Variants in TCN1 observed in about 807,000 individuals in gnomAD.
TCN1 encodes transcobalamin 1, also known as transcobalamin-1.
A neutral mutation model predicts 46.3 loss-of-function variants in TCN1; 47 were observed. The ratio of observed to expected loss-of-function variants is 1.01; its 90% CI spans 0.80 to 1.29. TCN1 has a LOEUF of 1.29. Ranked by LOEUF, TCN1 falls within the 50% of genes most tolerant of loss-of-function variation. The probability of loss-of-function intolerance (pLI) is 0.00; values close to 1 mark genes in which losing one functional copy is unlikely to be tolerated. For synonymous variants in TCN1, 183 were observed against 192.5 expected, an observed-to-expected ratio of 0.95 and a Z score of 0.41; for missense variants, 532 against 511.0, an observed-to-expected ratio of 1.04 and a Z score of -0.40.
At chr11:59,856,587 G>A (rs1852944658) in intron 5 of TCN1, among the ~76,000 whole-genome samples, 1 of 152,098 alleles carries the variant, frequency 6.6e-6, no homozygotes, top group African/African-American at 2.4e-5. Flanking sequence ...ATGAACAAAG[G>A]TGTTAGGTAG....
chr11:59,861,749 T>G (rs889637402), intron 3 of TCN1, 67 bp from the exon 4 acceptor site: 14 of 1,535,158 alleles, frequency 9.1e-6, no homozygotes, highest in Admixed American at 3.4e-5. Flanking sequence ...TTTCCATCTA[T>G]TCCTACTTAC....
intron 4 of TCN1, among the ~76,000 whole-genome samples, chr11:59,859,497 T>G (rs1852994863): frequency 6.6e-6 from 1 of 152,244 alleles, no homozygotes; most frequent in Non-Finnish European, 1.5e-5. Flanking sequence ...TCAGTTGCCA[T>G]GTACTCCATA....
chr11:59,855,903 A>G lies in TCN1; in HGVS notation c.903T>C (p.Asp301=), dbSNP rs960277667. 6.2e-7 allele frequency: 1 copy of G among 1,613,732 alleles called. No homozygotes were observed. Among genetic ancestry groups the G allele is most frequent in the Non-Finnish European group, 8.5e-7 (1 of 1,179,800 alleles). The part of the protein sequence containing the change: ...LPALMGKTFL[D]INKDSSCVSA... ...AGACGCAAGAAGAGTCTTTGTTAAT[A>G]TCCAAGAAGGTCTTTCCCATCAGGG... The change falls in exon 6 of 9, where the codon GAT becomes GAC. Residue 301 remains aspartate (D), a synonymous_variant. Coordinates refer to ENST00000257264, the MANE Select transcript of TCN1 (RefSeq NM_001062.4).
chr11:59,863,830 T>G (rs1290094891), intron 2 of TCN1, 77 bp downstream of exon 2: 11 of 1,553,490 alleles, frequency 7.1e-6, no homozygotes, highest in Non-Finnish European at 9.7e-6. Context: ...GGATGCATAA[T>G]TTTTTAGGAT....
Position 59,866,486 on chromosome 11 carries a change from C to T in TCN1, c.-16G>A, listed in dbSNP as rs1361560585. On this transcript the variant is annotated 5_prime_UTR_variant, in exon 1 of 9. Transcript: ENST00000257264. ...ACTGTCTCATCTCTCCAACAGTGTA[C>T]CAGAATGTTGATGAATTGGCTGGCT... The T allele has an allele frequency of 2.5e-6, 4 of 1,610,712 alleles. No individual in the cohort carries two copies. Among genetic ancestry groups the T allele is most frequent in the Non-Finnish European group, 3.4e-6 (4 of 1,177,012 alleles).
chr11:59,854,346 C>T (rs929510647), intron 7 of TCN1, among the ~76,000 whole-genome samples: 5 of 148,116 alleles, frequency 3.4e-5, no homozygotes, highest in Non-Finnish European at 7.4e-5. Context: ...AGTTAAGAAC[C>T]ACTGTTCTAG....
In TCN1 at chr11:59,866,440, C is replaced by G. The variant is rs773799015; in HGVS notation, c.31G>C (p.Gly11Arg). The change falls in exon 1 of 9, where the codon GGG (glycine) becomes CGG (arginine). Residue 11 changes from glycine (G) to arginine (R), a missense_variant. Transcript: ENST00000257264. Reference protein sequence around the residue: MRQSHQLPLVGLLLFSFIPSQ... With the variant: MRQSHQLPLVRLLLFSFIPSQ... ...GGAATAAAAGAAAACAGTAAGAGCC[C>G]CACTAGGGGCAGCTGGTGTGACTGT... The G allele has an allele frequency of 1.2e-6, 2 of 1,613,512 alleles. No homozygotes were observed. Among genetic ancestry groups the G allele is most frequent in the Non-Finnish European group, 1.7e-6 (2 of 1,179,530 alleles).
intron 1 of TCN1, among the ~76,000 whole-genome samples, chr11:59,865,049 C>A (rs986609197): frequency 6.6e-6 from 1 of 152,106 alleles, no homozygotes; most frequent in Non-Finnish European, 1.5e-5. Flanking sequence ...AAGAAACCAC[C>A]GAATAAACTG....
chr11:59,863,994 C>G lies in TCN1; in HGVS notation c.172G>C (p.Val58Leu), dbSNP rs1853045231. The change falls in exon 2 of 9, where the codon GTG becomes CTG. Residue 58 changes from valine (V) to leucine (L), a missense_variant. Transcript: ENST00000257264. Reference sequence around the variant, plus strand: ...ATTCCAACAAGTTTGAGGGACAACACAACATTGACAGCGCTGGTTCCCCTG... The same window carrying G: ...ATTCCAACAAGTTTGAGGGACAACAGAACATTGACAGCGCTGGTTCCCCTG... ...YNRGTSAVNV[V>L]LSLKLVGIQI... 6.2e-7 allele frequency: 1 copy of G among 1,608,080 alleles called. No individual in the cohort carries two copies. The highest frequency in any genetic ancestry group is 8.5e-7 in the Non-Finnish European group (1 of 1,179,742).
chr11:59,857,773 C>T (rs538204410), intron 5 of TCN1, among the ~76,000 whole-genome samples: 9 of 152,042 alleles, frequency 5.9e-5, no homozygotes, highest in Non-Finnish European at 1.0e-4. Flanking sequence ...AGCATATGCA[C>T]GACAGTGTAG....
In TCN1 at chr11:59,866,152, G is replaced by C. The variant is rs149827382; in HGVS notation, c.79+240C>G. Among the ~76,000 whole-genome samples the C allele has an allele frequency of 2.4e-3, 362 of 152,188 alleles. 3 individuals are homozygous for C. Among genetic ancestry groups the C allele is most frequent in the African/African-American group, 7.7e-3 (319 of 41,524 alleles). ...TTGGTAGGGATGCTGTGCTAGAGAG[G>C]ATCTGAGCATAGAAAGAGCAGTTAG... On this transcript the variant is annotated intron_variant, in intron 1 of 8. Coordinates refer to ENST00000257264, the MANE Select transcript of TCN1 (RefSeq NM_001062.4).
chr11:59,862,354 T>A (rs1262100537), intron 3 of TCN1, among the ~76,000 whole-genome samples: 1 of 152,058 alleles, frequency 6.6e-6, no homozygotes, highest in East Asian at 1.9e-4. Flanking sequence ...TGTGTGTTTC[T>A]GCCATCATAT....
intron 5 of TCN1, among the ~76,000 whole-genome samples, chr11:59,856,516 G>A (rs1852940415): frequency 6.6e-6 from 1 of 152,036 alleles, no homozygotes; most frequent in East Asian, 1.9e-4. Flanking sequence ...AAAGCTTCCT[G>A]GAGAAGGTGG....
intron 3 of TCN1, 96 bp downstream of exon 3, chr11:59,862,486 G>A: frequency 1.4e-6 from 2 of 1,444,786 alleles, no homozygotes; most frequent in Non-Finnish European, 1.9e-6. Flanking sequence ...TGAACGGGAT[G>A]AAGAGAAGGA....
In TCN1 at chr11:59,861,636, C is replaced by A. The variant is rs1227298966; in HGVS notation, c.447G>T (p.Leu149=). 3 of 1,614,004 alleles carry A rather than the reference C, an allele frequency of 1.9e-6. No homozygotes were observed. The highest frequency in any genetic ancestry group is 2.5e-6 in the Non-Finnish European group (3 of 1,179,998). The change falls in exon 4 of 9, where the codon CTG becomes CTT. Residue 149 remains leucine, a synonymous_variant. Coordinates refer to ENST00000257264, the MANE Select transcript of TCN1 (RefSeq NM_001062.4). ...TGAACAGACACAAGGCCAAAACGTC[C>A]AGGCTGAGCTGGTAGTAGTTAGTCA... is the stretch of plus-strand genomic sequence containing the variant. ...TPLTNYYQLS[L]DVLALCLFNG... is the part of the protein sequence containing the mutation.
At chr11:59,860,172 C>T (rs1565214503) in intron 4 of TCN1, among the ~76,000 whole-genome samples, 1 of 152,126 alleles carries the variant, frequency 6.6e-6, no homozygotes, top group African/African-American at 2.4e-5. Flanking sequence ...CTCGCTCTTG[C>T]TGCCCAGGCT....
chr11:59,855,995 T>C lies in TCN1; in HGVS notation c.811A>G (p.Thr271Ala). The C allele has an allele frequency of 6.2e-7, 1 of 1,612,736 alleles. No individual in the cohort carries two copies. Among genetic ancestry groups the C allele is most frequent in the Non-Finnish European group, 8.5e-7 (1 of 1,179,792 alleles). Residue 271 changes from threonine (T) to alanine (A), a missense_variant, in exon 6 of 9, where the codon ACA becomes GCA. By Grantham distance (58) the Thr-to-Ala change is moderately conservative (BLOSUM62 0). Coordinates refer to ENST00000257264, the MANE Select transcript of TCN1 (RefSeq NM_001062.4). ...NDWNCQQTLN[T>A]VLTEISQGAF... Reference sequence around the variant, plus strand: ...CCTTGAGAAATTTCCGTGAGCACTGTATTCAGAGTTTGTTGGCAATTCCAG... The same window carrying C: ...CCTTGAGAAATTTCCGTGAGCACTGCATTCAGAGTTTGTTGGCAATTCCAG...
intron 8 of TCN1, 51 bp from the exon 9 acceptor site, chr11:59,853,087 C>A (rs772976138): frequency 1.2e-6 from 2 of 1,605,452 alleles, no homozygotes; most frequent in East Asian, 2.2e-5. Flanking sequence ...GCCACTAAAT[C>A]ACCAAATAAT....
chr11:59,857,676 C>A (rs1317032644), intron 5 of TCN1, among the ~76,000 whole-genome samples: 1 of 151,798 alleles, frequency 6.6e-6, no homozygotes, highest in Admixed American at 6.6e-5. Flanking sequence ...TTCTGTAAAC[C>A]TTCCTTGATC....
Sources: allele counts gnomAD v4.1 joint callset (sites outside exome capture counted in the v4.1 genomes callset), GRCh38; gene constraint gnomAD v4.1.1; transcripts MANE v1.5; gene names NCBI Gene and HGNC (gene_info 2026-07-23, HGNC 2026-07-21).